Variants in COL21A1 observed in about 807,000 individuals in gnomAD.
COL21A1 encodes the protein collagen type XXI alpha 1 chain.
Under a neutral mutation model 137.9 loss-of-function variants are expected in COL21A1, and 149 were observed. The ratio of observed to expected loss-of-function variants is 1.08; its 90% CI spans 0.95 to 1.24. The LOEUF is 1.24. COL21A1 is among the 50% of genes most tolerant of loss of function. The pLI, the probability that COL21A1 is intolerant of heterozygous loss-of-function variation, is 0.00. For synonymous variants in COL21A1, 456 were observed against 391.5 expected, an observed-to-expected ratio of 1.16 and a Z score of -1.95; for missense variants, 1,167 against 1,158.4, an observed-to-expected ratio of 1.01 and a Z score of -0.11.
At chr6:56,208,405 T>C (rs921902302) in intron 1 of COL21A1, among the ~76,000 whole-genome samples, 1 of 152,162 alleles carries the variant, frequency 6.6e-6, no homozygotes, top group Non-Finnish European at 1.5e-5. Context: ...AGCCAAATCA[T>C]GTGTGAACTC....
chr6:56,144,359 C>A (rs576854251), intron 10 of COL21A1, among the ~76,000 whole-genome samples: 2 of 151,972 alleles, frequency 1.3e-5, no homozygotes, highest in South Asian at 4.2e-4. Context: ...TCAACTGATT[C>A]AAAGAAATCC....
Position 56,057,485 on chromosome 6 carries a change from C to A in COL21A1, c.*172G>T, listed in dbSNP as rs78999003. Reference sequence around the variant, plus strand: ...CCAAGGGCTCCAAATGACTGAGGAGCCTTTAAAATCAGTATATGTGATCTT... The same window carrying A: ...CCAAGGGCTCCAAATGACTGAGGAGACTTTAAAATCAGTATATGTGATCTT... On this transcript the variant is annotated 3_prime_UTR_variant, in exon 30 of 30. Transcript: ENST00000244728. 2.5e-3 allele frequency: 1,586 copies of A among 633,804 alleles called. 21 individuals are homozygous for A. In the African/African-American group the frequency reaches 0.029, roughly 11 times the overall value. 39.3% of individuals were successfully genotyped at this position (633,804 alleles called of 1,614,324 possible).
rs11396420 is a variant in COL21A1, at chr6:56,376,980, C to CTT, written c.-39+16989_-39+16990dup. Among the ~76,000 whole-genome samples the CTT allele has an allele frequency of 2.4e-3, 335 of 137,744 alleles. 4 individuals carry two copies. Among genetic ancestry groups the CTT allele is most frequent in the African/African-American group, 4.6e-3 (172 of 37,092 alleles). The allele number at this position is 137,744 out of a possible 152,430, so 90.4% of individuals were successfully genotyped here. On this transcript the variant is annotated intron_variant, in intron 1 of 28. Transcript: ENST00000370819. ...AGTCACACGAGAGGTAGAAAAAAGT[C>CTT]TTTTTTTTTTTTTTTGAGACAGAGT...
intron 1 of COL21A1, among the ~76,000 whole-genome samples, chr6:56,191,314 A>T (rs1175927325): frequency 6.6e-6 from 1 of 151,506 alleles, no homozygotes; most frequent in African/African-American, 2.4e-5. Context: ...CCAATAACAG[A>T]CAAACAGAGA....
intron 24 of COL21A1, among the ~76,000 whole-genome samples, chr6:56,063,290 G>A (rs899349949): frequency 3.3e-5 from 5 of 152,132 alleles, no homozygotes; most frequent in African/African-American, 1.2e-4. Flanking sequence ...AATTCTAAAG[G>A]AAATATCCTT....
chr6:56,333,132 C>T (rs572275568), intron 1 of COL21A1, among the ~76,000 whole-genome samples: 26 of 152,158 alleles, frequency 1.7e-4, no homozygotes, highest in Middle Eastern at 3.4e-3. Flanking sequence ...GTATAACTGA[C>T]ATACAATAAA....
Position 56,141,822 on chromosome 6 carries a change from G to C in COL21A1, c.1505C>G (p.Pro502Arg), listed in dbSNP as rs375684938. The change falls in exon 12 of 30, where the codon CCA becomes CGA. Residue 502 changes from proline (P) to arginine (R), a missense_variant. Pro to Arg is a moderately radical substitution (Grantham distance 103). Transcript: ENST00000244728. ...SPGIQGARGL[P>R]GYKGEPGRDG... ...TCGCCCTGGTTCTCCTTTGTAACCTGGTAGTCCTCGAGCTCCCTAAATTAA... is the reference window on the plus strand; with the variant it reads ...TCGCCCTGGTTCTCCTTTGTAACCTCGTAGTCCTCGAGCTCCCTAAATTAA... 4.3e-6 allele frequency: 7 copies of C among 1,613,456 alleles called. No homozygotes were observed. Among genetic ancestry groups the C allele is most frequent in the Non-Finnish European group, 5.1e-6 (6 of 1,179,720 alleles).
intron 9 of COL21A1, among the ~76,000 whole-genome samples, chr6:56,157,539 G>A (rs1459882348): frequency 2.0e-5 from 3 of 152,052 alleles, no homozygotes; most frequent in Admixed American, 2.0e-4. Flanking sequence ...TTGAACTCCT[G>A]ACTTCAAGTG....
intron 17 of COL21A1, among the ~76,000 whole-genome samples, chr6:56,083,187 G>A (rs926296284): frequency 2.6e-5 from 4 of 151,848 alleles, no homozygotes; most frequent in African/African-American, 7.2e-5. Context: ...GGAGTCTCTC[G>A]GAAAGAATCT....
At chr6:56,283,275 A>G (rs934411663) in intron 1 of COL21A1, among the ~76,000 whole-genome samples, 4 of 152,098 alleles carry the variant, frequency 2.6e-5, no homozygotes, top group African/African-American at 7.2e-5. Flanking sequence ...TGGCCAAAAA[A>G]TTATTATAAA....
At chr6:56,234,484 T>C (rs886968933) in intron 1 of COL21A1, among the ~76,000 whole-genome samples, 4 of 151,852 alleles carry the variant, frequency 2.6e-5, no homozygotes, top group African/African-American at 9.7e-5. Context: ...TATAAAGTTA[T>C]TTACTTTCTA....
chr6:56,157,037 A>G, intron 9 of COL21A1, 88 bp from the exon 10 acceptor site: 1 of 823,396 alleles, frequency 1.2e-6, no homozygotes, highest in Non-Finnish European at 1.9e-6. Context: ...AACCAATTCC[A>G]TTATTTGAGG....
chr6:56,136,478 A>C (rs1296603016), intron 12 of COL21A1, among the ~76,000 whole-genome samples: 2 of 152,194 alleles, frequency 1.3e-5, no homozygotes, highest in East Asian at 3.9e-4. Context: ...TTTACAAGTG[A>C]TTAAAGTCAA....
intron 10 of COL21A1, among the ~76,000 whole-genome samples, chr6:56,148,409 T>C (rs1775021177): frequency 7.4e-6 from 1 of 135,016 alleles, no homozygotes; most frequent in Non-Finnish European, 1.6e-5. Flanking sequence ...TGCCAAGGAG[T>C]TCAAACTGAG....
chr6:56,113,881 C>T (rs1350785309), intron 16 of COL21A1, among the ~76,000 whole-genome samples: 1 of 152,088 alleles, frequency 6.6e-6, no homozygotes, highest in Non-Finnish European at 1.5e-5. Flanking sequence ...CATAAGCTGA[C>T]TTATGAGACC....
chr6:56,260,691 G>A (rs1016333449), intron 1 of COL21A1, among the ~76,000 whole-genome samples: 4 of 95,476 alleles, frequency 4.2e-5, no homozygotes, highest in African/African-American at 1.5e-4. Flanking sequence ...AAGGAAGGAA[G>A]GCAGGCAGGC....
At chr6:56,302,966 G>C (rs998110403) in intron 1 of COL21A1, among the ~76,000 whole-genome samples, 11 of 152,090 alleles carry the variant, frequency 7.2e-5, no homozygotes, top group African/African-American at 2.4e-4. Flanking sequence ...AGTTTTCCCA[G>C]CACCATTTAT....
In COL21A1 at chr6:56,074,269, T is replaced by C. The variant is rs780319697; in HGVS notation, c.1928A>G (p.Asn643Ser). ...TGTTCCAGGCTGGCCTGGTGAGCCA[T>C]TGCTTCCCATTAAACCCTACAATTT... is the stretch of plus-strand genomic sequence containing the variant. The part of the protein sequence containing the change: ...APGMPGLMGS[N>S]GSPGQPGTPG... The change falls in exon 20 of 30, where the codon AAT becomes AGT. Residue 643 changes from asparagine to serine, a missense_variant. Transcript: ENST00000244728. 15 of 1,594,110 alleles carry C rather than the reference T, an allele frequency of 9.4e-6. No individual in the cohort carries two copies. The highest frequency in any genetic ancestry group is 1.3e-5 in the Non-Finnish European group (15 of 1,169,966).
intron 1 of COL21A1, among the ~76,000 whole-genome samples, chr6:56,182,958 A>G (rs1778012304): frequency 2.0e-5 from 3 of 152,208 alleles, no homozygotes; most frequent in Admixed American, 2.0e-4. Flanking sequence ...CGTAGCCTGT[A>G]GAACCTTATC....
Sources: allele counts gnomAD v4.1 joint callset (sites outside exome capture counted in the v4.1 genomes callset), GRCh38; gene constraint gnomAD v4.1.1; transcripts MANE v1.5; gene names NCBI Gene and HGNC (gene_info 2026-07-23, HGNC 2026-07-21).